LMNB1: variants seen among roughly 807,000 people sequenced by gnomAD.
LMNB1 encodes the protein lamin B1, also known as lamin-B1.
Under a neutral mutation model 67.1 loss-of-function variants are expected in LMNB1, and 23 were observed. That is an observed-to-expected ratio of 0.34 (90% CI 0.25 to 0.49). The LOEUF (loss-of-function observed/expected upper bound fraction) is 0.49, where lower values mean the gene tolerates loss of function less well. Ranked by LOEUF, LMNB1 falls within the 20% of genes least tolerant of loss-of-function variation. LMNB1 has a pLI of 0.99. For missense variants in LMNB1, 634 were observed against 746.5 expected, an observed-to-expected ratio of 0.85 and a Z score of 1.76; for synonymous variants, 281 against 282.9, an observed-to-expected ratio of 0.99 and a Z score of 0.07.
chr5:126,825,754 G>A (rs951538445), intron 8 of LMNB1, among the ~76,000 whole-genome samples: 1 of 152,140 alleles, frequency 6.6e-6, no homozygotes, highest in African/African-American at 2.4e-5. Context: ...TGTGAGTGTA[G>A]GCAGTTTTAC....
rs149941595 is a variant in LMNB1 at position 126,809,164 on chromosome 5, C to T, written c.643-1016C>T. On this transcript the variant is annotated intron_variant, in intron 3 of 10. Transcript: ENST00000261366. ...TGCTAGGATTACAGGCGTGAGCCAC[C>T]GCGCCCAGCCTTCCATTCTAATTTT... Among the ~76,000 whole-genome samples, 515 of 152,302 alleles carry T rather than the reference C, an allele frequency of 3.4e-3. 5 individuals carry two copies. Among genetic ancestry groups the T allele is most frequent in the African/African-American group, 0.012 (490 of 41,566 alleles).
intron 10 of LMNB1, among the ~76,000 whole-genome samples, chr5:126,835,869 C>T (rs564474840): frequency 2.9e-4 from 44 of 152,248 alleles, no homozygotes; most frequent in Non-Finnish European, 5.9e-4. Flanking sequence ...AGGTGGATCA[C>T]TTGAGGCCAG....
chr5:126,797,750 A>G (rs774485245), intron 1 of LMNB1, among the ~76,000 whole-genome samples: 12 of 152,196 alleles, frequency 7.9e-5, no homozygotes, highest in Non-Finnish European at 1.6e-4. Context: ...ATGGCTCCCC[A>G]TGTATCCTTG....
At chr5:126,776,723 C>A (rs1750453848), upstream of LMNB1, 1 of 152,268 alleles carries the variant, frequency 6.6e-6, no homozygotes. Context: ...CCTGAACCGC[C>A]GAGTGTGGGC....
chr5:126,812,169 G>A (rs1751593609), intron 5 of LMNB1, among the ~76,000 whole-genome samples: 2 of 152,154 alleles, frequency 1.3e-5, no homozygotes, highest in South Asian at 4.1e-4. Flanking sequence ...TTTATTCACT[G>A]TACTTACCCT....
At chr5:126,800,178 C>T (rs1751235223) in intron 1 of LMNB1, among the ~76,000 whole-genome samples, 1 of 152,142 alleles carries the variant, frequency 6.6e-6, no homozygotes, top group Non-Finnish European at 1.5e-5. Context: ...TTGCCAGGCA[C>T]TGAGGATCTG....
At chr5:126,828,680 A>T (rs1388241336) in intron 9 of LMNB1, among the ~76,000 whole-genome samples, 2 of 151,360 alleles carry the variant, frequency 1.3e-5, no homozygotes, top group African/African-American at 2.4e-5. Context: ...CTCCTGCCTC[A>T]GCCTCCTGAG....
At chr5:126,808,492 C>CTT (rs550293350) in intron 3 of LMNB1, among the ~76,000 whole-genome samples, 2 of 147,124 alleles carry the variant, frequency 1.4e-5, no homozygotes, top group South Asian at 2.1e-4. Context: ...CTGGCCTTAA[C>CTT]TTTTTTTTTT....
chr5:126,820,873 T>G, intron 6 of LMNB1, 37 bp from the exon 7 acceptor site: 2 of 1,465,850 alleles, frequency 1.4e-6, no homozygotes, highest in Non-Finnish European at 1.9e-6. Flanking sequence ...AGGGCATATG[T>G]GTTTTAAAAA....
In LMNB1 at chr5:126,822,819, T is replaced by G. The variant is rs775035935; in HGVS notation, c.1425T>G (p.Ile475Met). ...PMGGWEMIRK[I>M]GDTSVSYKYT... The stretch of plus-strand genomic sequence containing the variant: ...GAGGCTGGGAGATGATCAGAAAAAT[T>G]GGAGACACATCAGTCAGTTATAAAT... Residue 475 changes from isoleucine (I) to methionine (M), a missense_variant, in exon 8 of 11, where the codon ATT (isoleucine) becomes ATG (methionine). Physicochemically the swap from Ile to Met is conservative, Grantham distance 10 (BLOSUM62 1). Transcript: ENST00000261366. The G allele has an allele frequency of 6.2e-7, 1 of 1,613,270 alleles. No individual in the cohort carries two copies. The highest frequency in any genetic ancestry group is 8.5e-7 in the Non-Finnish European group (1 of 1,179,314).
At position 126,800,951 on chromosome 5, in the gene LMNB1, CTATATATATATATATA is replaced by C. The variant is rs57113826; in HGVS notation, c.360-3810_360-3795del. On this transcript the variant is annotated intron_variant, in intron 1 of 10. Transcript: ENST00000261366. Reference sequence around the variant, plus strand: ...ACAAGTGTGAGCCATTGCAGCCAGACTATATATATATATATATATATATATATATAATTTTTTTTTT... The same window carrying C: ...ACAAGTGTGAGCCATTGCAGCCAGACTATATATATATATAATTTTTTTTTT... 6.6e-3 allele frequency among the ~76,000 whole-genome samples: 312 copies of C among 47,320 alleles called. 12 individuals are homozygous for C. The highest frequency in any genetic ancestry group is 0.02 in the African/African-American group (297 of 14,814). The allele number at this position is 47,320 out of a possible 152,430, so 31.0% of individuals were successfully genotyped here.
At chr5:126,782,909 CA>C (rs1750667804) in intron 1 of LMNB1, among the ~76,000 whole-genome samples, 1 of 151,560 alleles carries the variant, frequency 6.6e-6, no homozygotes, top group Non-Finnish European at 1.5e-5. Context: ...AATTGAAAAA[CA>C]AAAACCTTTG....
At chr5:126,785,894 AT>A (rs1162094193) in intron 1 of LMNB1, among the ~76,000 whole-genome samples, 7 of 151,650 alleles carry the variant, frequency 4.6e-5, no homozygotes, top group African/African-American at 1.7e-4. Flanking sequence ...GGCACCTGTA[AT>A]TCTAGCTACT....
intron 1 of LMNB1, among the ~76,000 whole-genome samples, chr5:126,803,308 C>G (rs1751334339): frequency 6.6e-6 from 1 of 151,866 alleles, no homozygotes; most frequent in Non-Finnish European, 1.5e-5. Flanking sequence ...TGCAATGGCA[C>G]AATCTCGGCT....
At chr5:126,825,877 G>A in intron 8 of LMNB1, 111 bp from the exon 9 acceptor site, 1 of 1,446,166 alleles carries the variant, frequency 6.9e-7, no homozygotes, top group East Asian at 2.4e-5. Context: ...TGTAGCTGGG[G>A]CATAGTTCTC....
intron 1 of LMNB1, among the ~76,000 whole-genome samples, chr5:126,778,310 C>T (rs1322067882): frequency 2.0e-5 from 3 of 152,090 alleles, no homozygotes; most frequent in Non-Finnish European, 4.4e-5. Context: ...TTTGCAGTGC[C>T]GGGATGGGCG....
At position 126,777,378 on chromosome 5, in the gene LMNB1, TA is replaced by T. The variant is rs1750485064; in HGVS notation, c.-128del. 1 of 1,116,248 alleles carries T rather than the reference TA, an allele frequency of 9.0e-7. No homozygotes were observed. Among genetic ancestry groups the T allele is most frequent in the African/African-American group, 1.6e-5 (1 of 61,496 alleles). The allele number at this position is 1,116,248 out of a possible 1,614,324, so 69.1% of individuals were successfully genotyped here. The stretch of plus-strand genomic sequence containing the variant: ...CATCCCAGGTGCTTCTCCGTTCCTC[TA>T]AACGCCAGCGTCTGGACGTGAGCGC... On this transcript the variant is annotated 5_prime_UTR_variant, in exon 1 of 11. Coordinates refer to ENST00000261366, the MANE Select transcript of LMNB1 (RefSeq NM_005573.4).
At chr5:126,807,594 T>G (rs977093558) in intron 3 of LMNB1, among the ~76,000 whole-genome samples, 14 of 152,256 alleles carry the variant, frequency 9.2e-5, no homozygotes, top group African/African-American at 3.4e-4. Flanking sequence ...TACTAAGTGT[T>G]GCTTTGTTAA....
chr5:126,831,308 ACACT>A (rs1387910538), intron 9 of LMNB1, among the ~76,000 whole-genome samples: 3 of 152,254 alleles, frequency 2.0e-5, no homozygotes, highest in African/African-American at 2.4e-5. Flanking sequence ...TCTTGAGGAC[ACACT>A]CATTTACTTG....
Sources: allele counts gnomAD v4.1 joint callset (sites outside exome capture counted in the v4.1 genomes callset), GRCh38; gene constraint gnomAD v4.1.1; transcripts MANE v1.5; gene names NCBI Gene and HGNC (gene_info 2026-07-23, HGNC 2026-07-21).